UBE2D2: variants seen among roughly 807,000 people sequenced by gnomAD.
UBE2D2 encodes ubiquitin conjugating enzyme E2 D2, also known as ubiquitin-conjugating enzyme E2 D2.
UBE2D2 carries 2 observed loss-of-function variants against 24.2 expected under a neutral mutation model. That is an observed-to-expected ratio of 0.08 (90% CI 0.03 to 0.26). The LOEUF (loss-of-function observed/expected upper bound fraction) is 0.26. UBE2D2 is among the 10% of genes least tolerant of loss of function. The pLI, the probability that UBE2D2 is intolerant of heterozygous loss-of-function variation, is 1.00. For missense variants in UBE2D2, 44 were observed against 177.6 expected (o/e 0.25, Z 4.28); for synonymous variants, 58 against 56.5 (o/e 1.03, Z -0.12).
At chr5:139,625,243 C>T (rs1754592600) in intron 6 of UBE2D2, among the ~76,000 whole-genome samples, 1 of 150,328 alleles carries the variant, frequency 6.7e-6, no homozygotes, top group Non-Finnish European at 1.5e-5. Flanking sequence ...GTAGCTGGGA[C>T]TGCTAGTACA....
chr5:139,548,605 A>AATC (rs760320251), intron 1 of UBE2D2, among the ~76,000 whole-genome samples: 2 of 152,034 alleles, frequency 1.3e-5, no homozygotes, highest in African/African-American at 4.8e-5. Flanking sequence ...TTCTCACAAA[A>AATC]ATCATCATCA....
At chr5:139,582,615 T>A (rs1753628279) in intron 1 of UBE2D2, among the ~76,000 whole-genome samples, 1 of 151,982 alleles carries the variant, frequency 6.6e-6, no homozygotes, top group Non-Finnish European at 1.5e-5. Context: ...ACTTGTGGCA[T>A]TATGTCAGCA....
At chr5:139,541,957 T>C (rs1188407876) in intron 1 of UBE2D2, among the ~76,000 whole-genome samples, 1 of 151,428 alleles carries the variant, frequency 6.6e-6, no homozygotes, top group Non-Finnish European at 1.5e-5. Flanking sequence ...GAGGCTGAGG[T>C]GGGCAGATCG....
chr5:139,553,270 C>G (rs1365115201), intron 1 of UBE2D2, among the ~76,000 whole-genome samples: 1 of 152,178 alleles, frequency 6.6e-6, no homozygotes, highest in Non-Finnish European at 1.5e-5. Context: ...TTCAATACTG[C>G]TTCATCAGCC....
chr5:139,568,473 C>G (rs536437771), intron 1 of UBE2D2, among the ~76,000 whole-genome samples: 1 of 150,470 alleles, frequency 6.6e-6, no homozygotes, highest in Middle Eastern at 3.5e-3. Flanking sequence ...TCCTGGCTAA[C>G]ACGGTGAAAC....
In UBE2D2 at chr5:139,542,159, C is replaced by T. The variant is rs182072751; in HGVS notation, c.-64+15547C>T. Among the ~76,000 whole-genome samples the T allele has an allele frequency of 3.9e-3, 594 of 152,216 alleles. 1 individual carries two copies. The highest frequency in any genetic ancestry group is 8.3e-3 in the Admixed American group (127 of 15,254). ...CTGAGATGGTGTCACTGCATTCCACCCTGGGCGACAGAGCGAGACTCCATC... is the reference window on the plus strand; with the variant it reads ...CTGAGATGGTGTCACTGCATTCCACTCTGGGCGACAGAGCGAGACTCCATC... On this transcript the variant is annotated intron_variant, in intron 1 of 6. Transcript: ENST00000511725.
intron 1 of UBE2D2, among the ~76,000 whole-genome samples, chr5:139,536,987 G>C (rs1194477032): frequency 6.6e-6 from 1 of 151,984 alleles, no homozygotes; most frequent in Non-Finnish European, 1.5e-5. Flanking sequence ...AGACCATCCT[G>C]GCTAACATGG....
intron 1 of UBE2D2, among the ~76,000 whole-genome samples, chr5:139,589,937 A>G (rs941717652): frequency 2.6e-5 from 4 of 151,906 alleles, no homozygotes; most frequent in African/African-American, 9.7e-5. Flanking sequence ...GGTGCCCGCC[A>G]CCACACCCGG....
intron 1 of UBE2D2, among the ~76,000 whole-genome samples, chr5:139,555,416 A>AAAATAATTTGAAAATTATTTGG (rs1452562732): frequency 2.0e-5 from 3 of 151,678 alleles, no homozygotes; most frequent in Non-Finnish European, 4.4e-5. Context: ...AAATTATTTG[A>AAAATAATTTGAAAATTATTTGG]AAATAATTTG....
intron 1 of UBE2D2, among the ~76,000 whole-genome samples, chr5:139,545,861 T>A (rs1752820273): frequency 6.6e-6 from 1 of 151,732 alleles, no homozygotes. Flanking sequence ...GTAGCTGGGA[T>A]TACAGGCATG....
chr5:139,545,903 T>C (rs1214634135), intron 1 of UBE2D2, among the ~76,000 whole-genome samples: 1 of 151,104 alleles, frequency 6.6e-6, no homozygotes, highest in Non-Finnish European at 1.5e-5. Flanking sequence ...TTTGTATTTT[T>C]TTAAGTAGAG....
chr5:139,598,645 C>T (rs1315679795), intron 1 of UBE2D2, among the ~76,000 whole-genome samples: 1 of 148,572 alleles, frequency 6.7e-6, no homozygotes, highest in Admixed American at 6.8e-5. Flanking sequence ...ACTGCAACCT[C>T]CCTTTCCTGG....
rs551159145 is a variant in UBE2D2 at position 139,617,479 on chromosome 5, C to T, written c.304+2513C>T. ...GCAACCTCCGCCTCCCGGGTTCAAG[C>T]AATTCTCCTGCCTCAGCCTCCCAAG... is the stretch of plus-strand genomic sequence containing the variant. On this transcript the variant is annotated intron_variant, in intron 5 of 6. Coordinates refer to ENST00000398733, the MANE Select transcript of UBE2D2 (RefSeq NM_003339.3). 2.0e-5 allele frequency among the ~76,000 whole-genome samples: 3 copies of T among 149,054 alleles called. No homozygotes were observed. In the South Asian group the frequency reaches 6.4e-4, roughly 32 times the overall value.
At position 139,548,193 on chromosome 5, in the gene UBE2D2, A is replaced by AAAAAAATAAATAAAT; in HGVS notation, c.-64+21584_-64+21585insAAATAAATAAATAAA. The stretch of plus-strand genomic sequence containing the variant: ...AAAAAAAAAAAAAAAATAAAAAAAA[A>AAAAAAATAAATAAAT]AAATAAATAAATAAATAAATAAACG... On this transcript the variant is annotated intron_variant, in intron 1 of 6. Transcript: ENST00000511725. Among the ~76,000 whole-genome samples the AAAAAAATAAATAAAT allele has an allele frequency of 3.6e-3, 167 of 46,964 alleles. 8 individuals carry two copies. Among genetic ancestry groups the AAAAAAATAAATAAAT allele is most frequent in the Non-Finnish European group, 4.7e-3 (123 of 26,264 alleles). 30.8% of individuals were successfully genotyped at this position (46,964 alleles called of 152,430 possible). A position where few individuals can be genotyped will look rare whatever the true frequency, so the allele number is the denominator to read the frequency against.
intron 2 of UBE2D2, among the ~76,000 whole-genome samples, chr5:139,605,223 C>G (rs911734578): frequency 2.6e-5 from 4 of 152,002 alleles, no homozygotes; most frequent in Non-Finnish European, 5.9e-5. Context: ...TTAAAACATC[C>G]AGATTTTAAT....
chr5:139,573,673 T>G (rs569159275), intron 1 of UBE2D2, among the ~76,000 whole-genome samples: 1 of 152,040 alleles, frequency 6.6e-6, no homozygotes, highest in African/African-American at 2.4e-5. Flanking sequence ...GCTTTCCATT[T>G]AAAATGTCTT....
At chr5:139,607,369 T>A (rs1754220858) in intron 2 of UBE2D2, among the ~76,000 whole-genome samples, 1 of 152,226 alleles carries the variant, frequency 6.6e-6, no homozygotes, top group Non-Finnish European at 1.5e-5. Flanking sequence ...CTTTTTTTGG[T>A]ACTGTAGATT....
intron 1 of UBE2D2, among the ~76,000 whole-genome samples, chr5:139,590,289 GCTGGGCGTGGTGGT>G (rs1263508729): frequency 1.3e-5 from 2 of 152,008 alleles, no homozygotes; most frequent in African/African-American, 2.4e-5. Context: ...ACAAAAAATA[GCTGGGCGTGGTGGT>G]GGATGCCTGT....
chr5:139,611,159 A>G (rs1754310066), intron 2 of UBE2D2, among the ~76,000 whole-genome samples: 1 of 144,168 alleles, frequency 6.9e-6, no homozygotes, highest in African/African-American at 2.5e-5. Context: ...GTAGTTCTAG[A>G]TGACAAGTTT....
Sources: allele counts gnomAD v4.1 joint callset (sites outside exome capture counted in the v4.1 genomes callset), GRCh38; gene constraint gnomAD v4.1.1; transcripts MANE v1.5; gene names NCBI Gene and HGNC (gene_info 2026-07-23, HGNC 2026-07-21).